Variants in SPATA18 observed in about 807,000 individuals in gnomAD.
The protein encoded by SPATA18 is spermatogenesis associated 18.
A neutral mutation model predicts 68.1 loss-of-function variants in SPATA18; 54 were observed. The ratio of observed to expected loss-of-function variants is 0.79; its 90% CI spans 0.64 to 0.99. SPATA18 has a LOEUF of 0.99. SPATA18 is among the 50% of genes least tolerant of loss of function. The probability of loss-of-function intolerance (pLI) is 0.00; values close to 1 mark genes in which losing one functional copy is unlikely to be tolerated. For synonymous variants in SPATA18, 242 were observed against 244.8 expected (o/e 0.99, Z 0.11); for missense variants, 724 against 681.1 (o/e 1.06, Z -0.70).
chr4:52,068,034 C>T (rs907199503), intron 4 of SPATA18, among the ~76,000 whole-genome samples: 7 of 152,160 alleles, frequency 4.6e-5, no homozygotes, highest in Admixed American at 6.5e-5. Context: ...GTCATCCAAG[C>T]GTGTGAAATT....
intron 3 of SPATA18, 76 bp from the exon 4 acceptor site, chr4:52,062,144 G>A: frequency 1.1e-6 from 1 of 926,850 alleles, no homozygotes; most frequent in Non-Finnish European, 1.6e-6. Flanking sequence ...GAGTTGGGCT[G>A]TTTTTTAAAA....
chr4:52,072,561 C>A (rs1356055339), intron 6 of SPATA18, among the ~76,000 whole-genome samples: 1 of 152,094 alleles, frequency 6.6e-6, no homozygotes, highest in Non-Finnish European at 1.5e-5. Flanking sequence ...CACCACCATG[C>A]TCGGTTAATT....
chr4:52,083,323 T>G (rs1429420421), intron 10 of SPATA18: 2 of 985,288 alleles, frequency 2.0e-6, no homozygotes, highest in Non-Finnish European at 2.4e-6. Flanking sequence ...ATAGGGGAAG[T>G]GTTTTATGGC....
intron 4 of SPATA18, 50 bp from the exon 5 acceptor site, chr4:52,069,771 A>T: frequency 7.1e-7 from 1 of 1,412,080 alleles, no homozygotes; most frequent in Admixed American, 2.0e-5. Context: ...TGATTTAGAA[A>T]GTCTGCCAAT....
At chr4:52,079,660 TC>T (rs1272728130) in intron 8 of SPATA18, 83 bp from the exon 9 acceptor site, 1 of 1,457,120 alleles carries the variant, frequency 6.9e-7, no homozygotes, top group East Asian at 2.3e-5. Flanking sequence ...TTTTCCCACC[TC>T]CCATCAATCC....
chr4:52,058,042 TGTAAGCAG>T (rs1017638546), intron 1 of SPATA18, among the ~76,000 whole-genome samples: 1 of 152,190 alleles, frequency 6.6e-6, no homozygotes, highest in Admixed American at 6.5e-5. Context: ...GCAAAAGGCT[TGTAAGCAG>T]GTAATTGAAG....
intron 11 of SPATA18, among the ~76,000 whole-genome samples, chr4:52,087,730 C>T (rs1281962319): frequency 1.3e-5 from 2 of 151,736 alleles, no homozygotes; most frequent in Non-Finnish European, 2.9e-5. Context: ...TTCTTCTTGC[C>T]CAGGATTGTC....
At position 52,084,977 on chromosome 4, in the gene SPATA18, G is replaced by A. The variant is rs59498549; in HGVS notation, c.1541G>A (p.Arg514His). 81 of 1,613,064 alleles carry A rather than the reference G, an allele frequency of 5.0e-5. No individual in the cohort carries two copies. The highest frequency in any genetic ancestry group is 1.0e-4 in the Admixed American group (6 of 59,922). Reference sequence around the variant, plus strand: ...AGGAGTTTAAGTCCCATTTGCCCCCGTAGCCAAATTGGTTTAAACACGGTA... The same window carrying A: ...AGGAGTTTAAGTCCCATTTGCCCCCATAGCCAAATTGGTTTAAACACGGTA... ...RSRSLSPICP[R>H]SQIGLNTMSR... Residue 514 changes from arginine (R) to histidine (H), a missense_variant, in exon 11 of 13, where the codon CGT (arginine) becomes CAT (histidine). Transcript: ENST00000295213.
chr4:52,061,542 C>A (rs1738858339), intron 3 of SPATA18, among the ~76,000 whole-genome samples: 1 of 145,480 alleles, frequency 6.9e-6, no homozygotes, highest in Admixed American at 6.9e-5. Context: ...AGCATTTAGT[C>A]TGTTCTGAGC....
intron 11 of SPATA18, 126 bp from the exon 12 acceptor site, chr4:52,094,401 T>A (rs1252370134): frequency 5.2e-6 from 4 of 766,870 alleles, no homozygotes; most frequent in Non-Finnish European, 8.7e-6. Context: ...GGGTGAAAAA[T>A]CATAGTGCTA....
intron 11 of SPATA18, among the ~76,000 whole-genome samples, chr4:52,091,086 A>G (rs1004500451): frequency 2.0e-5 from 3 of 151,562 alleles, no homozygotes; most frequent in African/African-American, 4.8e-5. Flanking sequence ...TGATTTGGCT[A>G]TTGATACTTG....
intron 5 of SPATA18, among the ~76,000 whole-genome samples, chr4:52,071,467 A>G (rs1030137720): frequency 1.3e-5 from 2 of 152,238 alleles, no homozygotes; most frequent in Admixed American, 6.5e-5. Flanking sequence ...TCTAATTAAT[A>G]TTAAATATTC....
intron 11 of SPATA18, among the ~76,000 whole-genome samples, chr4:52,093,062 A>G (rs1316912192): frequency 1.3e-5 from 2 of 152,172 alleles, no homozygotes; most frequent in Admixed American, 1.3e-4. Context: ...TACCCAGGTG[A>G]TGAAAATCTG....
intron 3 of SPATA18, 152 bp downstream of exon 3, chr4:52,061,049 G>C: frequency 1.5e-6 from 1 of 663,260 alleles, no homozygotes; most frequent in Non-Finnish European, 2.6e-6. Flanking sequence ...GACGGTGTTA[G>C]TTTTTGAACA....
chr4:52,078,545 A>G (rs933134149), intron 7 of SPATA18, 190 bp from the exon 8 acceptor site: 6 of 469,412 alleles, frequency 1.3e-5, no homozygotes, highest in Middle Eastern at 5.6e-4. Flanking sequence ...AGCATGGATT[A>G]TTATATGTTT....
rs182818800 is a variant in SPATA18 at position 52,072,752 on chromosome 4, G to T, written c.758+596G>T. On this transcript the variant is annotated intron_variant, in intron 6 of 12. Coordinates refer to ENST00000295213, the MANE Select transcript of SPATA18 (RefSeq NM_145263.4). ...GAAACCAGATTTGTGCAGGCCTATG[G>T]TGCAAGAGGTGGTACCCTCATGGAA... Among the ~76,000 whole-genome samples, 3 of 152,264 alleles carry T rather than the reference G, an allele frequency of 2.0e-5. No homozygotes were observed. In the East Asian group the frequency reaches 5.8e-4, roughly 29 times the overall value.
Position 52,096,736 on chromosome 4 carries a change from G to C in SPATA18, c.*1849G>C, listed in dbSNP as rs1319282142. ...ATTGGATGTGACTTTCTGAAGTGGT[G>C]GGCAATTCTTGTTAATGTTTTAAAC... On this transcript the variant is annotated 3_prime_UTR_variant, in exon 13 of 13. Transcript: ENST00000295213. 1.4e-5 allele frequency: 2 copies of C among 145,242 alleles called. No homozygotes were observed. Among genetic ancestry groups the C allele is most frequent in the African/African-American group, 4.9e-5 (2 of 40,684 alleles). The allele number at this position is 145,242 out of a possible 1,614,324, so 9.0% of individuals were successfully genotyped here. A position where few individuals can be genotyped will look rare whatever the true frequency, so the allele number is the denominator to read the frequency against.
rs1168325861 is a variant in SPATA18 at position 52,096,882 on chromosome 4, C to G, written c.*1995C>G. ...TGTGTTATACGTTGAAAGGTCTTCA[C>G]TAATATCTCACTAAGTAATGAGAAT... On this transcript the variant is annotated 3_prime_UTR_variant, in exon 13 of 13. Coordinates refer to ENST00000295213, the MANE Select transcript of SPATA18 (RefSeq NM_145263.4). 6.6e-6 allele frequency: 1 copy of G among 152,084 alleles called. No homozygotes were observed. Among genetic ancestry groups the G allele is most frequent in the African/African-American group, 2.4e-5 (1 of 41,408 alleles). 9.4% of individuals were successfully genotyped at this position (152,084 alleles called of 1,614,324 possible). A position where few individuals can be genotyped will look rare whatever the true frequency, so the allele number is the denominator to read the frequency against.
chr4:52,092,941 T>G (rs943681369), intron 11 of SPATA18, among the ~76,000 whole-genome samples: 3 of 152,020 alleles, frequency 2.0e-5, no homozygotes, highest in African/African-American at 7.2e-5. Context: ...AACTAAATGA[T>G]GAGAACACAT....
Sources: gnomAD v4.1 joint callset for allele counts (sites outside exome capture counted in the v4.1 genomes callset) on GRCh38, gnomAD v4.1.1 for gene constraint, MANE v1.5 for transcripts, NCBI Gene and HGNC (gene_info 2026-07-23, HGNC 2026-07-21) for gene names.